ARHGAP4: variants seen among roughly 807,000 people sequenced by gnomAD.
The protein encoded by ARHGAP4 is rho GTPase-activating protein 4.
ARHGAP4 carries 25 observed loss-of-function variants against 67.6 expected under a neutral mutation model. The ratio of observed to expected loss-of-function variants is 0.37; its 90% CI spans 0.27 to 0.52. The LOEUF (loss-of-function observed/expected upper bound fraction) is 0.52, where lower values mean the gene tolerates loss of function less well. Ranked by LOEUF, ARHGAP4 falls within the 20% of genes least tolerant of loss-of-function variation. The pLI, the probability that ARHGAP4 is intolerant of heterozygous loss-of-function variation, is 0.92. For synonymous variants in ARHGAP4, 448 were observed against 373.7 expected, an observed-to-expected ratio of 1.20 and a Z score of -2.29; for missense variants, 804 against 854.6, an observed-to-expected ratio of 0.94 and a Z score of 0.74.
intron 20 of ARHGAP4, 92 bp from the exon 21 acceptor site, chrX:153,909,261 A>G (rs1342334880): frequency 1.1e-6 from 1 of 948,888 alleles, no homozygotes; most frequent in Non-Finnish European, 1.4e-6. Context: ...GTGGCCAAGG[A>G]AAGGAGGCTG....
chrX:153,913,889 G>A lies in ARHGAP4; in HGVS notation c.1033-10C>T. ...CGCAGATCTCAGCCACCTGCAGAGGGCGGCGGCCAGGGGGCTAAGGGCTGG... is the reference window on the plus strand; with the variant it reads ...CGCAGATCTCAGCCACCTGCAGAGGACGGCGGCCAGGGGGCTAAGGGCTGG... On this transcript the variant is annotated splice_polypyrimidine_tract_variant and intron_variant, in intron 7 of 21. Coordinates refer to ENST00000350060, the MANE Select transcript of ARHGAP4 (RefSeq NM_001666.5). The A allele has an allele frequency of 1.7e-6, 2 of 1,206,020 alleles. No individual in the cohort carries two copies. Among genetic ancestry groups the A allele is most frequent in the Non-Finnish European group, 2.2e-6 (2 of 890,573 alleles).
intron 7 of ARHGAP4, among the ~76,000 whole-genome samples, chrX:153,917,073 A>G (rs782280722): frequency 9.0e-6 from 1 of 111,297 alleles, no homozygotes; most frequent in Non-Finnish European, 1.9e-5. Context: ...AAAATCAGCC[A>G]GGCGTGGTGG....
chrX:153,909,761 C>T lies in ARHGAP4; in HGVS notation c.2394G>A (p.Lys798=), dbSNP rs1225412232. The T allele has an allele frequency of 1.7e-6, 2 of 1,196,910 alleles. No individual in the cohort carries two copies. Among genetic ancestry groups the T allele is most frequent in the East Asian group, 3.0e-5 (1 of 33,528 alleles). The change falls in exon 19 of 22, where the codon AAG becomes AAA. Residue 798 remains lysine (K), a synonymous_variant. Transcript: ENST00000350060. ...CTCACCCGGCGGGCAGCGTGATATACTTGTGGGGGATGAGGCCCCGCATGC... is the reference window on the plus strand; with the variant it reads ...CTCACCCGGCGGGCAGCGTGATATATTTGTGGGGGATGAGGCCCCGCATGC... ...HNGMRGLIPH[K]YITLPAGTEK...
intron 12 of ARHGAP4, among the ~76,000 whole-genome samples, chrX:153,912,169 G>C (rs782013818): frequency 9.5e-6 from 1 of 105,486 alleles, no homozygotes; most frequent in African/African-American, 3.5e-5. Flanking sequence ...TTACAGGCAC[G>C]TGCCACCATG....
intron 1 of ARHGAP4, chrX:153,922,212 C>G: frequency 1.2e-6 from 1 of 841,600 alleles, no homozygotes; most frequent in Non-Finnish European, 1.4e-6. Context: ...GGTACCCAGG[C>G]TCCGGGAGGT....
At chrX:153,909,578 G>C (rs1417011839) in intron 19 of ARHGAP4, 43 bp from the exon 20 acceptor site, 2 of 1,104,406 alleles carry the variant, frequency 1.8e-6, no homozygotes, top group African/African-American at 2.4e-5. Flanking sequence ...CTCCTTCCCT[G>C]CACGGGGTCC....
intron 12 of ARHGAP4, 63 bp from the exon 13 acceptor site, chrX:153,911,252 C>CTTTTTTTTT (rs10710691): frequency 7.6e-6 from 2 of 263,719 alleles, no homozygotes; most frequent in Admixed American, 9.4e-5. Context: ...CATTCAATTG[C>CTTTTTTTTT]TTTTTTTTTT....
chrX:153,913,088 C>A, intron 10 of ARHGAP4, 37 bp from the exon 11 acceptor site: 2 of 1,178,603 alleles, frequency 1.7e-6, no homozygotes, highest in Non-Finnish European at 2.3e-6. Flanking sequence ...CCTCTCGGGC[C>A]AGGGGTCTTC....
Position 153,907,743 on chromosome X carries a change from G to A in ARHGAP4, c.2827C>T (p.Pro943Ser). Residue 943 changes from proline to serine, a missense_variant, in exon 22 of 22, where the codon CCC becomes TCC. Physicochemically the swap from Pro to Ser is moderately conservative, Grantham distance 74 (BLOSUM62 -1). This residue lies in a region of ARHGAP4 where 400 missense variants were observed against 348.7 expected (regional missense o/e 1.15). Coordinates refer to ENST00000350060, the MANE Select transcript of ARHGAP4 (RefSeq NM_001666.5). The stretch of plus-strand genomic sequence containing the variant: ...GCAGCGGCACCTCAGTGTGGCTTGG[G>A]GGTCGTGTCTAGGCCCTGGGGGTGG... ...ASHPQGLDTTPKPH is the reference protein window; with the variant it reads ...ASHPQGLDTTSKPH The A allele has an allele frequency of 1.0e-6, 1 of 1,003,078 alleles. No individual in the cohort carries two copies. Among genetic ancestry groups the A allele is most frequent in the Non-Finnish European group, 1.3e-6 (1 of 778,826 alleles). The allele number at this position is 1,003,078 out of a possible 1,213,427, so 82.7% of individuals were successfully genotyped here. A position where few individuals can be genotyped will look rare whatever the true frequency, so the allele number is the denominator to read the frequency against.
intron 1 of ARHGAP4, among the ~76,000 whole-genome samples, chrX:153,923,055 G>A (rs1314553832): frequency 9.0e-6 from 1 of 110,930 alleles, no homozygotes; most frequent in Non-Finnish European, 1.9e-5. Context: ...GGGGGAGTCC[G>A]AGAGACCGGT....
intron 4 of ARHGAP4, 75 bp downstream of exon 4, chrX:153,921,022 G>A (rs1041734063): frequency 6.1e-5 from 68 of 1,117,625 alleles, no homozygotes; most frequent in East Asian, 1.3e-4. Flanking sequence ...ATGGTCTGGC[G>A]GTGTTCCTCC....
At chrX:153,911,250 T>TG in intron 12 of ARHGAP4, 61 bp from the exon 13 acceptor site, 8 of 776,022 alleles carry the variant, frequency 1.0e-5, no homozygotes, top group Non-Finnish European at 1.4e-5. Context: ...GTCATTCAAT[T>TG]GCTTTTTTTT....
In ARHGAP4 at chrX:153,910,540, C is replaced by T. The variant is rs1557102827; in HGVS notation, c.1888G>A (p.Val630Met). ...LLWRLPAPVLVVLRYLFTFLN... is the reference protein window; with the variant it reads ...LLWRLPAPVLMVLRYLFTFLN... ...AAGGTGAAGAGGTAGCGCAGAACCA[C>T]CAGCACCGGCGCGGGCAGCCGCCAC... Residue 630 changes from valine to methionine, a missense_variant, in exon 16 of 22, where the codon GTG (valine) becomes ATG (methionine). Coordinates refer to ENST00000350060, the MANE Select transcript of ARHGAP4 (RefSeq NM_001666.5). 1 of 1,206,878 alleles carries T rather than the reference C, an allele frequency of 8.3e-7. No individual in the cohort carries two copies. The highest frequency in any genetic ancestry group is 1.1e-6 in the Non-Finnish European group (1 of 894,590).
intron 1 of ARHGAP4, among the ~76,000 whole-genome samples, chrX:153,923,611 C>A (rs982434421): frequency 6.2e-5 from 7 of 112,439 alleles, no homozygotes; most frequent in Non-Finnish European, 1.1e-4. Context: ...GGCACGGGAC[C>A]TCCCGACAGA....
chrX:153,923,302 T>C (rs1557105688), intron 1 of ARHGAP4, among the ~76,000 whole-genome samples: 1 of 111,861 alleles, frequency 8.9e-6, no homozygotes, highest in East Asian at 2.8e-4. Context: ...ATTGGATTTC[T>C]GTCCCGCCAG....
At chrX:153,908,661 G>A (rs1488595338) in intron 21 of ARHGAP4, among the ~76,000 whole-genome samples, 14 of 104,515 alleles carry the variant, frequency 1.3e-4, no homozygotes, top group Middle Eastern at 4.8e-3. Context: ...CCTCCCTGGC[G>A]TGCCAAGCGC....
chrX:153,917,800 G>C (rs1182846492), intron 7 of ARHGAP4, among the ~76,000 whole-genome samples: 2 of 112,314 alleles, frequency 1.8e-5, no homozygotes, highest in African/African-American at 6.5e-5. Context: ...ATTTTCAGAT[G>C]TGCAAAGTCA....
Position 153,921,501 on chromosome X carries a change from A to G in ARHGAP4, c.299T>C (p.Leu100Ser). The G allele has an allele frequency of 4.2e-6, 5 of 1,196,324 alleles. No homozygotes were observed. The highest frequency in any genetic ancestry group is 5.6e-6 in the Non-Finnish European group (5 of 887,476). Residue 100 changes from leucine to serine, a missense_variant, in exon 3 of 22, where the codon TTG becomes TCG. Coordinates refer to ENST00000350060, the MANE Select transcript of ARHGAP4 (RefSeq NM_001666.5). The part of the protein sequence containing the change: ...FRKEPSLLSP[L>S]HCWAVLLQHT... ...CTGCAGCAGCACCGCCCAGCAGTGC[A>G]AGGGCGACAGGAGGGACGGCTCCTT...
chrX:153,926,255 C>A lies in ARHGAP4; in HGVS notation c.-53G>T. 1 of 1,015,446 alleles carries A rather than the reference C, an allele frequency of 9.8e-7. No individual in the cohort carries two copies. The highest frequency in any genetic ancestry group is 1.2e-6 in the Non-Finnish European group (1 of 800,627). The allele number at this position is 1,015,446 out of a possible 1,213,427, so 83.7% of individuals were successfully genotyped here. The stretch of plus-strand genomic sequence containing the variant: ...CCCACTGCTCCCACGCGGCCGTGAG[C>A]GGGCCCGGCGCCGGGACTTGGGGGC... On this transcript the variant is annotated 5_prime_UTR_variant, in exon 1 of 22. Transcript: ENST00000350060.
Sources: allele counts gnomAD v4.1 joint callset (sites outside exome capture counted in the v4.1 genomes callset), GRCh38; gene constraint gnomAD v4.1.1; regional missense constraint gnomAD v4.1.1; transcripts MANE v1.5; gene names NCBI Gene and HGNC (gene_info 2026-07-23, HGNC 2026-07-21).